Variants in NCKAP5 observed in about 807,000 individuals in gnomAD.
NCKAP5 encodes the protein NCK associated protein 5, also known as nck-associated protein 5.
Under a neutral mutation model 167.0 loss-of-function variants are expected in NCKAP5, and 92 were observed. That is an observed-to-expected ratio of 0.55 (90% confidence interval 0.47 to 0.66). The LOEUF (loss-of-function observed/expected upper bound fraction) is 0.66. Among genes scored for constraint, NCKAP5 ranks in the 30% least tolerant of loss-of-function variants. The pLI is 0.00. For missense variants in NCKAP5, 2,378 were observed against 2,315.0 expected (o/e 1.03, Z -0.56); for synonymous variants, 891 against 877.4 (o/e 1.02, Z -0.27).
In NCKAP5 at chr2:132,948,520, CAG is replaced by C. The variant is rs2076064659; in HGVS notation, c.579+15198_579+15199del. On this transcript the variant is annotated intron_variant, in intron 8 of 19. Transcript: ENST00000409261. ...GCGGCTGACAGGCAGTTAGAGAAAACAGAAATCGGCCATTCAGAGCAAAGGTT... is the reference window on the plus strand; with the variant it reads ...GCGGCTGACAGGCAGTTAGAGAAAACAAATCGGCCATTCAGAGCAAAGGTT... Among the ~76,000 whole-genome samples the C allele has an allele frequency of 2.6e-5, 4 of 152,276 alleles. No individual in the cohort carries two copies. In the South Asian group the frequency reaches 8.3e-4, roughly 32 times the overall value.
chr2:133,390,585 G>T (rs906748572), intron 3 of NCKAP5, among the ~76,000 whole-genome samples: 1 of 151,762 alleles, frequency 6.6e-6, no homozygotes, highest in African/African-American at 2.4e-5. Flanking sequence ...TTTTCTCTTG[G>T]CTCCTTCCTC....
intron 6 of NCKAP5, among the ~76,000 whole-genome samples, chr2:133,104,405 A>G (rs146095535): frequency 2.1e-4 from 32 of 152,344 alleles, no homozygotes; most frequent in Non-Finnish European, 3.7e-4. Flanking sequence ...CTCAGTTTCT[A>G]CATTTGGAGT....
At chr2:132,725,581 C>T (rs1690370139) in intron 19 of NCKAP5, 46 bp downstream of exon 19, 1 of 1,573,062 alleles carries the variant, frequency 6.4e-7, no homozygotes, top group African/African-American at 1.4e-5. Context: ...TCAGCGGCTT[C>T]CCAGAGAGAG....
At chr2:133,043,095 C>T (rs2079269762) in intron 6 of NCKAP5, among the ~76,000 whole-genome samples, 1 of 152,102 alleles carries the variant, frequency 6.6e-6, no homozygotes, top group Non-Finnish European at 1.5e-5. Context: ...CTGGTTTGGA[C>T]AAAGAATTCT....
intron 3 of NCKAP5, among the ~76,000 whole-genome samples, chr2:133,382,440 T>C (rs1252348480): frequency 6.6e-6 from 1 of 152,124 alleles, no homozygotes; most frequent in East Asian, 1.9e-4. Flanking sequence ...TTCTCATTGG[T>C]TTTAACATGA....
chr2:133,239,733 T>C (rs982625079), intron 4 of NCKAP5, among the ~76,000 whole-genome samples: 22 of 152,206 alleles, frequency 1.4e-4, no homozygotes, highest in African/African-American at 5.1e-4. Context: ...TAAATAAAAC[T>C]GAAACACTGC....
chr2:133,087,610 G>A (rs35248736), intron 6 of NCKAP5, among the ~76,000 whole-genome samples: 39,847 of 152,048 alleles, frequency 0.26, 5,662 homozygotes, highest in Non-Finnish European at 0.32. Flanking sequence ...ATGCCTCTTG[G>A]TGTGCTAGCC....
chr2:133,592,784 G>A, the NCKAP5 span, among the ~76,000 whole-genome samples: 1 of 152,142 alleles, frequency 6.6e-6, no homozygotes, highest in African/African-American at 2.4e-5. Flanking sequence ...TAACATTCCT[G>A]CTCAGGTTTT....
intron 11 of NCKAP5, among the ~76,000 whole-genome samples, chr2:132,802,027 C>T (rs1380908188): frequency 2.6e-5 from 4 of 152,192 alleles, no homozygotes; most frequent in African/African-American, 4.8e-5. Context: ...ATCCACCTGC[C>T]GTAGACTCCC....
chr2:132,735,928 T>C lies in NCKAP5; in HGVS notation c.5129-3877A>G, dbSNP rs141509318. Among the ~76,000 whole-genome samples, 247 of 152,332 alleles carry C rather than the reference T, an allele frequency of 1.6e-3. 1 individual carries two copies. The highest frequency in any genetic ancestry group is 5.7e-3 in the African/African-American group (238 of 41,582). On this transcript the variant is annotated intron_variant, in intron 16 of 19. Coordinates refer to ENST00000409261, the MANE Select transcript of NCKAP5 (RefSeq NM_207363.3). The stretch of plus-strand genomic sequence containing the variant: ...CTGAAGACAACAACATTTTCTAGCA[T>C]CAGTCCCCTTAAATTATTTTACTTT...
chr2:133,026,385 T>C (rs2078701393), intron 6 of NCKAP5, among the ~76,000 whole-genome samples: 1 of 152,068 alleles, frequency 6.6e-6, no homozygotes, highest in Non-Finnish European at 1.5e-5. Flanking sequence ...AGTGTTTTTT[T>C]TTTTTTTTAA....
chr2:132,951,216 G>A lies in NCKAP5; in HGVS notation c.579+12504C>T, dbSNP rs180707226. On this transcript the variant is annotated intron_variant, in intron 8 of 19. Coordinates refer to ENST00000409261, the MANE Select transcript of NCKAP5 (RefSeq NM_207363.3). ...AGCCCCTGTCCACCGTGACAGCTGA[G>A]CAGCAGCACTTACTGACTCTGAAAG... Among the ~76,000 whole-genome samples, 293 of 152,252 alleles carry A rather than the reference G, an allele frequency of 1.9e-3. 1 individual carries two copies. The highest frequency in any genetic ancestry group is 6.9e-3 in the African/African-American group (286 of 41,550).
rs531580704 is a variant in NCKAP5 at position 133,491,323 on chromosome 2, T to A, written c.69+26135A>T. ...AATCCAACTATCACAGGAAGTGGGGTTCTTGATGGCCCAGCATGAGCTACT... is the reference window on the plus strand; with the variant it reads ...AATCCAACTATCACAGGAAGTGGGGATCTTGATGGCCCAGCATGAGCTACT... On this transcript the variant is annotated intron_variant, in intron 3 of 19. Transcript: ENST00000409261. 7.2e-5 allele frequency among the ~76,000 whole-genome samples: 11 copies of A among 152,052 alleles called. No homozygotes were observed. The East Asian group carries it at 1.9e-3, about 27-fold the overall frequency.
chr2:132,794,335 G>GAGAGAC (rs1267320334), intron 12 of NCKAP5, among the ~76,000 whole-genome samples: 1 of 145,924 alleles, frequency 6.9e-6, no homozygotes, highest in Admixed American at 6.9e-5. Flanking sequence ...GAGAAAGAGA[G>GAGAGAC]AGAGACAGAG....
intron 11 of NCKAP5, among the ~76,000 whole-genome samples, chr2:132,857,734 A>G (rs1689584044): frequency 6.6e-6 from 1 of 152,320 alleles, no homozygotes; most frequent in East Asian, 1.9e-4. Context: ...CAGAGATATC[A>G]TTCTAGAAAA....
At chr2:133,110,886 A>T (rs1279250054) in intron 6 of NCKAP5, among the ~76,000 whole-genome samples, 1 of 152,050 alleles carries the variant, frequency 6.6e-6, no homozygotes, top group Non-Finnish European at 1.5e-5. Context: ...CGTTGCTGGG[A>T]TCTGGGGAAG....
At chr2:132,968,478 C>T (rs771876880) in intron 7 of NCKAP5, among the ~76,000 whole-genome samples, 2 of 152,134 alleles carry the variant, frequency 1.3e-5, no homozygotes, top group Non-Finnish European at 2.9e-5. Flanking sequence ...GAAAATCATT[C>T]CAACTTTTTA....
chr2:133,197,042 G>A (rs532701657), intron 5 of NCKAP5, among the ~76,000 whole-genome samples: 4 of 152,154 alleles, frequency 2.6e-5, no homozygotes, highest in Non-Finnish European at 5.9e-5. Flanking sequence ...TCCAGACATA[G>A]ATGTAATCAT....
At chr2:133,320,453 G>A (rs542469453) in intron 3 of NCKAP5, among the ~76,000 whole-genome samples, 2 of 152,180 alleles carry the variant, frequency 1.3e-5, no homozygotes, top group African/African-American at 4.8e-5. Flanking sequence ...CCTTGGCTGG[G>A]TGCGGTGGCT....
Sources: allele counts gnomAD v4.1 joint callset (sites outside exome capture counted in the v4.1 genomes callset), GRCh38; gene constraint gnomAD v4.1.1; transcripts MANE v1.5; gene names NCBI Gene and HGNC (gene_info 2026-07-23, HGNC 2026-07-21).